USP4: variants seen among roughly 807,000 people sequenced by gnomAD.
USP4 encodes the protein ubiquitin specific peptidase 4, also known as ubiquitin carboxyl-terminal hydrolase 4.
Under a neutral mutation model 118.2 loss-of-function variants are expected in USP4, and 72 were observed. That is an observed-to-expected ratio of 0.61 (90% confidence interval 0.50 to 0.74). The LOEUF is 0.74. Ranked by LOEUF, USP4 falls within the 30% of genes least tolerant of loss-of-function variation. The pLI, the probability that USP4 is intolerant of heterozygous loss-of-function variation, is 0.00. For synonymous variants in USP4, 415 were observed against 440.4 expected (o/e 0.94, Z 0.72); for missense variants, 1,037 against 1,185.7 (o/e 0.87, Z 1.84).
chr3:49,281,325 G>A (rs2047021636), intron 19 of USP4, among the ~76,000 whole-genome samples: 1 of 151,904 alleles, frequency 6.6e-6, no homozygotes, highest in South Asian at 2.1e-4. Flanking sequence ...GCGTGGTGGT[G>A]GGCGCCTGTA....
intron 1 of USP4, 52 bp downstream of exon 1, chr3:49,339,872 C>G: frequency 3.9e-6 from 6 of 1,533,002 alleles, no homozygotes; most frequent in Non-Finnish European, 5.4e-6. Flanking sequence ...AAGGAGGCCC[C>G]TTTTTCTCGG....
At chr3:49,305,291 G>A (rs2047302983) in intron 9 of USP4, among the ~76,000 whole-genome samples, 1 of 147,676 alleles carries the variant, frequency 6.8e-6, no homozygotes, top group East Asian at 2.1e-4. Context: ...TGTTAGCCAG[G>A]ATGGTCTCAA....
chr3:49,277,827 C>CA lies in USP4; in HGVS notation c.*465dup, dbSNP rs1559461517. The CA allele has an allele frequency of 7.4e-6, 2 of 269,620 alleles. No individual in the cohort carries two copies. The highest frequency in any genetic ancestry group is 1.4e-5 in the Non-Finnish European group (2 of 145,638). 16.7% of individuals were successfully genotyped at this position (269,620 alleles called of 1,614,324 possible). A position where few individuals can be genotyped will look rare whatever the true frequency, so the allele number is the denominator to read the frequency against. ...AAAATTATAAACCCATATCAGTGCA[C>CA]ATAGCGAGGGAAAGGGGAGTTTACT... On this transcript the variant is annotated 3_prime_UTR_variant, in exon 22 of 22. Transcript: ENST00000265560.
At chr3:49,282,035 A>AC (rs2047036325) in intron 19 of USP4, among the ~76,000 whole-genome samples, 1 of 151,806 alleles carries the variant, frequency 6.6e-6, no homozygotes. Flanking sequence ...CAAAACAAAA[A>AC]AAACAACAAC....
intron 15 of USP4, among the ~76,000 whole-genome samples, 180 bp from the exon 16 acceptor site, chr3:49,286,505 C>T (rs1183021602): frequency 6.6e-6 from 1 of 152,074 alleles, no homozygotes; most frequent in Non-Finnish European, 1.5e-5. Flanking sequence ...CCTTGCAAGA[C>T]AGGCAGACTG....
chr3:49,294,602 C>T lies in USP4; in HGVS notation c.1692-4G>A, dbSNP rs747060198. The T allele has an allele frequency of 1.1e-5, 17 of 1,611,600 alleles. No homozygotes were observed. Among genetic ancestry groups the T allele is most frequent in the Admixed American group, 1.7e-5 (1 of 59,762 alleles). The stretch of plus-strand genomic sequence containing the variant: ...GGAAGTGCTGCAGACCTCGTACCTG[C>T]GTCAATCACACAAGAGGGCACTTTT... On this transcript the variant is annotated splice_region_variant and splice_polypyrimidine_tract_variant and intron_variant, in intron 13 of 21. Transcript: ENST00000265560.
intron 10 of USP4, among the ~76,000 whole-genome samples, chr3:49,301,036 T>C (rs1300059107): frequency 6.6e-6 from 1 of 152,122 alleles, no homozygotes; most frequent in Non-Finnish European, 1.5e-5. Flanking sequence ...CCTCCCGGAC[T>C]CAAAGCGATC....
At chr3:49,294,231 C>T (rs767859963) in intron 14 of USP4, among the ~76,000 whole-genome samples, 176 bp downstream of exon 14, 32 of 152,160 alleles carry the variant, frequency 2.1e-4, no homozygotes, top group Non-Finnish European at 3.8e-4. Context: ...GTGATCTGCC[C>T]GCCTTGGCCT....
intron 13 of USP4, among the ~76,000 whole-genome samples, chr3:49,297,590 A>G (rs1272759793): frequency 6.6e-6 from 1 of 152,176 alleles, no homozygotes; most frequent in African/African-American, 2.4e-5. Context: ...GACCATCTGT[A>G]GGAGCAGTGA....
chr3:49,317,542 G>GTTT (rs71077785), intron 6 of USP4: 5 of 514,064 alleles, frequency 9.7e-6, no homozygotes, highest in Non-Finnish European at 1.7e-5. Context: ...TTGTTTGTTT[G>GTTT]TTTTTTTTTT....
At chr3:49,316,951 T>C in intron 6 of USP4, 1 of 628,206 alleles carries the variant, frequency 1.6e-6, no homozygotes, top group Non-Finnish European at 2.8e-6. Context: ...CAGTGGAGGT[T>C]GGCAGCTGCC....
intron 9 of USP4, among the ~76,000 whole-genome samples, chr3:49,303,574 G>A (rs895130330): frequency 6.6e-5 from 10 of 151,164 alleles, no homozygotes; most frequent in Non-Finnish European, 1.2e-4. Flanking sequence ...TCAGTTCCTC[G>A]GTCAAATGAA....
chr3:49,332,414 C>T (rs568279677), intron 2 of USP4, among the ~76,000 whole-genome samples: 9 of 150,810 alleles, frequency 6.0e-5, no homozygotes, highest in Admixed American at 2.6e-4. Flanking sequence ...GCTGTGATCA[C>T]ACACTACAGC....
intron 1 of USP4, among the ~76,000 whole-genome samples, chr3:49,338,662 C>CAAAAAAAAAA (rs1184984948): frequency 7.6e-5 from 4 of 52,826 alleles, no homozygotes; most frequent in Non-Finnish European, 1.3e-4. Flanking sequence ...AATTCCTTCT[C>CAAAAAAAAAA]AAAAAAAAAA....
intron 15 of USP4, among the ~76,000 whole-genome samples, chr3:49,288,164 A>G (rs72940883): frequency 5.5e-4 from 84 of 152,230 alleles, no homozygotes; most frequent in African/African-American, 1.9e-3. Flanking sequence ...CCCTTTACAC[A>G]CAATAAGCCT....
intron 15 of USP4, among the ~76,000 whole-genome samples, chr3:49,287,098 G>A (rs781741120): frequency 5.3e-5 from 8 of 152,058 alleles, no homozygotes; most frequent in South Asian, 4.2e-4. Context: ...ATGATCCACC[G>A]GCCTTGGCCT....
chr3:49,302,567 A>G, intron 9 of USP4, 25 bp from the exon 10 acceptor site: 1 of 1,608,514 alleles, frequency 6.2e-7, no homozygotes, highest in East Asian at 2.2e-5. Context: ...ACTGTATCAG[A>G]AGGCATAATA....
chr3:49,280,644 T>G, intron 20 of USP4, 100 bp downstream of exon 20: 1 of 865,258 alleles, frequency 1.2e-6, no homozygotes, highest in Non-Finnish European at 1.9e-6. Flanking sequence ...CCTGTGAAAC[T>G]GCATAAGCAA....
rs1210935226 is a variant in USP4, at chr3:49,277,798, T to A, written c.*495A>T. On this transcript the variant is annotated 3_prime_UTR_variant, in exon 22 of 22. Transcript: ENST00000265560. ...AGAAATGGGCTTCAGTGGGTAACTT[T>A]CAGAAAATTATAAACCCATATCAGT... The A allele has an allele frequency of 1.5e-5, 3 of 206,600 alleles. No individual in the cohort carries two copies. Among genetic ancestry groups the A allele is most frequent in the African/African-American group, 6.8e-5 (3 of 43,898 alleles). 12.8% of individuals were successfully genotyped at this position (206,600 alleles called of 1,614,324 possible).
Sources: gnomAD v4.1 joint callset for allele counts (sites outside exome capture counted in the v4.1 genomes callset) on GRCh38, gnomAD v4.1.1 for gene constraint, MANE v1.5 for transcripts, NCBI Gene and HGNC (gene_info 2026-07-23, HGNC 2026-07-21) for gene names.